SHOX: variants seen among roughly 807,000 people sequenced by gnomAD.
The protein encoded by SHOX is short stature homeobox protein.
Under a neutral mutation model 29.6 loss-of-function variants are expected in SHOX, and 12 were observed. The ratio of observed to expected loss-of-function variants is 0.41; its 90% CI spans 0.26 to 0.66. The LOEUF (loss-of-function observed/expected upper bound fraction) is 0.66, where lower values mean the gene tolerates loss of function less well. Ranked by LOEUF, SHOX falls within the 30% of genes least tolerant of loss-of-function variation. SHOX has a pLI of 0.35. For synonymous variants in SHOX, 214 were observed against 200.6 expected (o/e 1.07, Z -0.57); for missense variants, 499 against 437.7 (o/e 1.14, Z -1.25).
intron 2 of SHOX, among the ~76,000 whole-genome samples, chrX:640,114 G>A (rs1170283619): frequency 2.0e-5 from 3 of 152,016 alleles, no homozygotes; most frequent in Admixed American, 6.6e-5. Context: ...GGAGGCCCAG[G>A]AGGGTGGATC....
rs1415579125 is a variant in SHOX at position 645,414 on chromosome X, T to G, written c.*778T>G. 7.8e-6 allele frequency: 1 copy of G among 128,158 alleles called. No individual in the cohort carries two copies. Among genetic ancestry groups the G allele is most frequent in the Non-Finnish European group, 1.6e-5 (1 of 61,368 alleles). The allele number at this position is 128,158 out of a possible 1,614,324, so 7.9% of individuals were successfully genotyped here. A position where few individuals can be genotyped will look rare whatever the true frequency, so the allele number is the denominator to read the frequency against. On this transcript the variant is annotated 3_prime_UTR_variant, in exon 5 of 5. Coordinates refer to ENST00000686671, the MANE Select transcript of SHOX (RefSeq NM_000451.4). ...TATTTTTTTTTTTTTTTTTTTTTTTTTTTTTTTTTGCTGTGTTACAGGATT... is the reference window on the plus strand; with the variant it reads ...TATTTTTTTTTTTTTTTTTTTTTTTGTTTTTTTTTGCTGTGTTACAGGATT...
chrX:633,286 C>G (rs2052681117), intron 1 of SHOX, among the ~76,000 whole-genome samples: 1 of 151,988 alleles, frequency 6.6e-6, no homozygotes, highest in Admixed American at 6.6e-5. Flanking sequence ...ACTTTGAAGA[C>G]CAGTTTGTCA....
chrX:656,430 C>T (rs1349340656), downstream of SHOX, among the ~76,000 whole-genome samples: 1 of 151,392 alleles, frequency 6.6e-6, no homozygotes, highest in African/African-American at 2.4e-5. Flanking sequence ...AAAAATTTAG[C>T]CAGCTGTGCT....
At chrX:658,686 G>C in intron 5 of SHOX, 1 of 228,470 alleles carries the variant, frequency 4.4e-6, no homozygotes, top group South Asian at 5.1e-5. Flanking sequence ...TAGCCAGGAA[G>C]GTCTCGATCT....
downstream of SHOX, among the ~76,000 whole-genome samples, chrX:653,176 G>C (rs1174743460): frequency 2.0e-5 from 3 of 152,168 alleles, no homozygotes; most frequent in Non-Finnish European, 4.4e-5. Context: ...AGGAGGCGGA[G>C]GTTGCACTGA....
chrX:634,038 G>A (rs1349044304), intron 1 of SHOX, among the ~76,000 whole-genome samples: 1 of 152,232 alleles, frequency 6.6e-6, no homozygotes, highest in Non-Finnish European at 1.5e-5. Context: ...TGCGCACGCG[G>A]TTCAGCCCCC....
At chrX:624,888 TTCTTTCTTTCTTTCTC>T (rs1325700215) in intron 1 of SHOX, among the ~76,000 whole-genome samples, 1,206 of 65,796 alleles carry the variant, frequency 0.018, 57 homozygotes, top group African/African-American at 0.042. Context: ...CTTTCTTTCT[TTCTTTCTTTCTTTCTC>T]TCTTCCTTTC....
chrX:629,507 A>T (rs1313893398), upstream of SHOX, among the ~76,000 whole-genome samples: 1 of 73,356 alleles, frequency 1.4e-5, no homozygotes, highest in Non-Finnish European at 3.0e-5. Flanking sequence ...CTCTCTCTCC[A>T]TCTCTCTCTC....
At chrX:656,495 C>T (rs28799059), downstream of SHOX, among the ~76,000 whole-genome samples, 79,783 of 151,036 alleles carry the variant, frequency 0.53, 21,551 homozygotes, top group South Asian at 0.63. Flanking sequence ...TTGCTTGAGC[C>T]CAGGAGTTCA....
At chrX:653,878 C>T (rs117019435), downstream of SHOX, among the ~76,000 whole-genome samples, 3 of 151,612 alleles carry the variant, frequency 2.0e-5, no homozygotes, top group Admixed American at 6.6e-5. Flanking sequence ...ACCAAACACA[C>T]GGAGATAAGC....
rs1021754592 is a variant in SHOX at position 644,868 on chromosome X, C to A, written c.*232C>A. Reference sequence around the variant, plus strand: ...AAGGCGGAGCGGGTGAGCGGCCGTGCGTCCAGCCCGGGCCTCTCCAAGGCT... The same window carrying A: ...AAGGCGGAGCGGGTGAGCGGCCGTGAGTCCAGCCCGGGCCTCTCCAAGGCT... On this transcript the variant is annotated 3_prime_UTR_variant, in exon 5 of 5. Coordinates refer to ENST00000686671, the MANE Select transcript of SHOX (RefSeq NM_000451.4). 9.2e-5 allele frequency: 50 copies of A among 545,660 alleles called. No homozygotes were observed. The highest frequency in any genetic ancestry group is 1.3e-4 in the Non-Finnish European group (45 of 340,888). 33.8% of individuals were successfully genotyped at this position (545,660 alleles called of 1,614,324 possible). A position where few individuals can be genotyped will look rare whatever the true frequency, so the allele number is the denominator to read the frequency against.
downstream of SHOX, among the ~76,000 whole-genome samples, chrX:656,441 G>A (rs1242534012): frequency 1.3e-5 from 2 of 151,602 alleles, no homozygotes; most frequent in Middle Eastern, 3.4e-3. Flanking sequence ...CAGCTGTGCT[G>A]GCTGATGCCT....
upstream of SHOX, among the ~76,000 whole-genome samples, chrX:626,546 C>T (rs866539114): frequency 1.3e-4 from 4 of 29,766 alleles, no homozygotes; most frequent in South Asian, 1.1e-3. Context: ...ACCTCTGTCT[C>T]TCTCTCTCCT....
At position 644,666 on chromosome X, in the gene SHOX, C is replaced by T; in HGVS notation, c.*30C>T. 4 of 1,408,012 alleles carry T rather than the reference C, an allele frequency of 2.8e-6. No individual in the cohort carries two copies. Among genetic ancestry groups the T allele is most frequent in the Non-Finnish European group, 3.7e-6 (4 of 1,092,558 alleles). 87.2% of individuals were successfully genotyped at this position (1,408,012 alleles called of 1,614,324 possible). A position where few individuals can be genotyped will look rare whatever the true frequency, so the allele number is the denominator to read the frequency against. ...CCGCGCAGCCCCCCGCGCGCCCGGA[C>T]TCCCGGGCTCCGCGCACCCCGCCTG... is the stretch of plus-strand genomic sequence containing the variant. On this transcript the variant is annotated 3_prime_UTR_variant, in exon 5 of 5. Coordinates refer to ENST00000686671, the MANE Select transcript of SHOX (RefSeq NM_000451.4).
chrX:626,468 T>C, upstream of SHOX, among the ~76,000 whole-genome samples: 1 of 140,260 alleles, frequency 7.1e-6, no homozygotes, highest in Non-Finnish European at 1.6e-5. Context: ...TATCTCTGTC[T>C]ATCTCTGTCT....
chrX:632,034 A>T (rs1182562171), intron 1 of SHOX: 4 of 455,452 alleles, frequency 8.8e-6, no homozygotes, highest in South Asian at 6.2e-5. Flanking sequence ...GTTTCCTTTA[A>T]GGAACCCTTC....
chrX:638,875 C>T (rs1269647349), intron 2 of SHOX, among the ~76,000 whole-genome samples: 1 of 152,164 alleles, frequency 6.6e-6, no homozygotes, highest in Non-Finnish European at 1.5e-5. Flanking sequence ...GTTCTCTGGA[C>T]GAATCATTTC....
rs1167242961 is a variant in SHOX, at chrX:650,268, C to G, written c.*5632C>G. On this transcript the variant is annotated 3_prime_UTR_variant, in exon 5 of 5. Transcript: ENST00000686671. Reference sequence around the variant, plus strand: ...TGGTGGTGCGACGGGCTTGGTGTCTCCCGTACGGGAAGGAGGCCTTTGGGC... The same window carrying G: ...TGGTGGTGCGACGGGCTTGGTGTCTGCCGTACGGGAAGGAGGCCTTTGGGC... Among the ~76,000 whole-genome samples the G allele has an allele frequency of 2.0e-5, 3 of 152,160 alleles. No homozygotes were observed. The highest frequency in any genetic ancestry group is 2.9e-5 in the Non-Finnish European group (2 of 68,032).
chrX:626,399 CTA>C (rs1276899388), upstream of SHOX, among the ~76,000 whole-genome samples: 1 of 126,726 alleles, frequency 7.9e-6, no homozygotes, highest in African/African-American at 2.8e-5. Context: ...GTCTGTATCT[CTA>C]TCTCTGTCTC....
Sources: gnomAD v4.1 joint callset for allele counts (sites outside exome capture counted in the v4.1 genomes callset) on GRCh38, gnomAD v4.1.1 for gene constraint, MANE v1.5 for transcripts, NCBI Gene and HGNC (gene_info 2026-07-23, HGNC 2026-07-21) for gene names.